SMARCC1: variants seen among roughly 807,000 people sequenced by gnomAD.
SMARCC1 encodes SWI/SNF complex subunit SMARCC1.
In SMARCC1, 43 loss-of-function variants were observed where a neutral mutation model predicts 147.4. That is an observed-to-expected ratio of 0.29 (90% CI 0.23 to 0.38). SMARCC1 has a LOEUF of 0.38. Ranked by LOEUF, SMARCC1 falls within the 10% of genes least tolerant of loss-of-function variation. SMARCC1 has a pLI of 1.00. For missense variants in SMARCC1, 1,119 were observed against 1,381.1 expected, an observed-to-expected ratio of 0.81 and a Z score of 3.01; for synonymous variants, 495 against 484.4, an observed-to-expected ratio of 1.02 and a Z score of -0.29.
intron 2 of SMARCC1, among the ~76,000 whole-genome samples, chr3:47,753,323 TC>T (rs2034648695): frequency 2.0e-5 from 2 of 98,452 alleles, no homozygotes; most frequent in Admixed American, 1.2e-4. Context: ...AGACTCCATC[TC>T]CAAAAAAAAA....
Position 47,657,824 on chromosome 3 carries a change from G to A in SMARCC1, c.2320+3470C>T, listed in dbSNP as rs754723019. Among the ~76,000 whole-genome samples, 326 of 151,036 alleles carry A rather than the reference G, an allele frequency of 2.2e-3. 5 individuals carry two copies. The highest frequency in any genetic ancestry group is 1.4e-3 in the Non-Finnish European group (95 of 67,562). ...GAGAAACTCTGTCTCAAAAAAAAAA[G>A]AAATTACAAAGTACTTGAGAAGAAT... On this transcript the variant is annotated intron_variant, in intron 21 of 27. Transcript: ENST00000254480.
chr3:47,761,043 G>C (rs1465534090), intron 2 of SMARCC1, among the ~76,000 whole-genome samples: 18 of 152,090 alleles, frequency 1.2e-4, no homozygotes, highest in Non-Finnish European at 2.2e-4. Context: ...TAAGACAGGA[G>C]AATGGCTTGA....
chr3:47,661,024 T>C (rs566529140), intron 21 of SMARCC1, among the ~76,000 whole-genome samples: 86 of 152,352 alleles, frequency 5.6e-4, no homozygotes, highest in South Asian at 4.3e-3. Context: ...CTTTCAGTAT[T>C]CTTGTATCTG....
intron 26 of SMARCC1, among the ~76,000 whole-genome samples, chr3:47,595,071 G>A (rs2032250094): frequency 6.6e-6 from 1 of 152,236 alleles, no homozygotes; most frequent in East Asian, 1.9e-4. Context: ...GAGAGTCACC[G>A]GTTCTGTATG....
intron 26 of SMARCC1, among the ~76,000 whole-genome samples, chr3:47,595,848 C>G (rs1012442672): frequency 6.6e-6 from 1 of 151,358 alleles, no homozygotes; most frequent in Non-Finnish European, 1.5e-5. Flanking sequence ...GAGTCTCCTG[C>G]CTCAGCCTCC....
chr3:47,776,758 T>C (rs1559670556), intron 1 of SMARCC1, among the ~76,000 whole-genome samples: 5 of 151,392 alleles, frequency 3.3e-5, no homozygotes, highest in Non-Finnish European at 4.4e-5. Flanking sequence ...TGTAAATATA[T>C]AGATGTAAAT....
At chr3:47,777,923 A>G (rs2034994974) in intron 1 of SMARCC1, among the ~76,000 whole-genome samples, 1 of 151,968 alleles carries the variant, frequency 6.6e-6, no homozygotes. Context: ...AAATGCATGT[A>G]GGCCAGGCAC....
At chr3:47,689,805 C>T (rs1442922936) in intron 12 of SMARCC1, among the ~76,000 whole-genome samples, 3 of 152,054 alleles carry the variant, frequency 2.0e-5, no homozygotes, top group African/African-American at 7.2e-5. Flanking sequence ...AGTAAAAAAA[C>T]GGGTGATAAC....
Position 47,649,098 on chromosome 3 carries a change from A to G in SMARCC1, c.2321-10318T>C, listed in dbSNP as rs78793368. Among the ~76,000 whole-genome samples the G allele has an allele frequency of 4.0e-3, 602 of 152,332 alleles. 5 individuals are homozygous for G. Among genetic ancestry groups the G allele is most frequent in the African/African-American group, 0.013 (546 of 41,564 alleles). On this transcript the variant is annotated intron_variant, in intron 21 of 27. Transcript: ENST00000254480. ...CAGAAGTTTGAGTCTATATTTCAAT[A>G]TGTTTTTACTATACTTGAAAGAGCC...
chr3:47,594,850 G>C (rs1246268709), intron 26 of SMARCC1, among the ~76,000 whole-genome samples: 1 of 152,134 alleles, frequency 6.6e-6, no homozygotes, highest in East Asian at 1.9e-4. Context: ...GAAATCCTGG[G>C]TGCCTTGGCC....
At chr3:47,779,908 T>C (rs1047322822) in intron 1 of SMARCC1, among the ~76,000 whole-genome samples, 1 of 152,184 alleles carries the variant, frequency 6.6e-6, no homozygotes, top group South Asian at 2.1e-4. Context: ...TCATAACATA[T>C]TCAATTCCAT....
chr3:47,774,812 C>CT lies in SMARCC1; in HGVS notation c.196-1877dup, dbSNP rs560858823. On this transcript the variant is annotated intron_variant, in intron 1 of 27. Transcript: ENST00000254480. Reference sequence around the variant, plus strand: ...AGCCTAGTTTTTGAAGGACCATATACTTTTTTTTTTCAAGACAGTGGTTTC... The same window carrying CT: ...AGCCTAGTTTTTGAAGGACCATATACTTTTTTTTTTTCAAGACAGTGGTTTC... Among the ~76,000 whole-genome samples the CT allele has an allele frequency of 2.9e-3, 428 of 149,476 alleles. 3 individuals are homozygous for CT. The South Asian group carries it at 0.039, about 14-fold the overall frequency.
intron 7 of SMARCC1, among the ~76,000 whole-genome samples, chr3:47,716,415 C>CAAAAAAAA (rs776727634): frequency 1.9e-5 from 1 of 51,940 alleles, no homozygotes; most frequent in Non-Finnish European, 3.6e-5. Context: ...GACTCCATCT[C>CAAAAAAAA]AAAAAAAAAA....
chr3:47,668,580 A>G (rs552049311), intron 19 of SMARCC1, among the ~76,000 whole-genome samples: 1 of 152,328 alleles, frequency 6.6e-6, no homozygotes, highest in South Asian at 2.1e-4. Context: ...TTGATAAAAG[A>G]CTTTATGAAA....
intron 2 of SMARCC1, among the ~76,000 whole-genome samples, chr3:47,758,618 G>T (rs78866407): frequency 7.0e-4 from 107 of 152,292 alleles, no homozygotes; most frequent in Admixed American, 2.2e-3. Flanking sequence ...ATTGTATATA[G>T]CTGCTTTCAT....
intron 24 of SMARCC1, among the ~76,000 whole-genome samples, chr3:47,634,242 G>A (rs2032938215): frequency 6.6e-6 from 1 of 152,126 alleles, no homozygotes; most frequent in South Asian, 2.1e-4. Context: ...ATGATCAGCC[G>A]GAGTAACTCT....
At chr3:47,765,165 C>A (rs911001241) in intron 2 of SMARCC1, among the ~76,000 whole-genome samples, 1 of 151,998 alleles carries the variant, frequency 6.6e-6, no homozygotes, top group East Asian at 1.9e-4. Flanking sequence ...GCAAGAGAAC[C>A]GCTTGAACTC....
chr3:47,656,669 C>A (rs749073347), intron 21 of SMARCC1, among the ~76,000 whole-genome samples: 9 of 152,204 alleles, frequency 5.9e-5, no homozygotes, highest in South Asian at 4.2e-4. Context: ...AATCCCAGCA[C>A]TTTGGGAGGC....
At chr3:47,779,137 T>C (rs1464927002) in intron 1 of SMARCC1, among the ~76,000 whole-genome samples, 2 of 151,826 alleles carry the variant, frequency 1.3e-5, no homozygotes, top group East Asian at 1.9e-4. Flanking sequence ...AGTTGTTCAC[T>C]GAATGCATGA....
Sources: gnomAD v4.1 joint callset for allele counts (sites outside exome capture counted in the v4.1 genomes callset) on GRCh38, gnomAD v4.1.1 for gene constraint, MANE v1.5 for transcripts, NCBI Gene and HGNC (gene_info 2026-07-23, HGNC 2026-07-21) for gene names.